PDE4B: variants seen among roughly 807,000 people sequenced by gnomAD.
The protein encoded by PDE4B is 3',5'-cyclic-AMP phosphodiesterase 4B.
In PDE4B, 20 loss-of-function variants were observed where a neutral mutation model predicts 82.2. That is an observed-to-expected ratio of 0.24 (90% confidence interval 0.17 to 0.35). PDE4B has a LOEUF of 0.35. Ranked by LOEUF, PDE4B falls within the 10% of genes least tolerant of loss-of-function variation. PDE4B has a pLI of 1.00. For synonymous variants in PDE4B, 320 were observed against 318.9 expected, an observed-to-expected ratio of 1.00 and a Z score of -0.04; for missense variants, 655 against 907.2, an observed-to-expected ratio of 0.72 and a Z score of 3.57.
chr1:65,972,897 A>G (rs936253673), intron 3 of PDE4B, among the ~76,000 whole-genome samples: 1 of 152,188 alleles, frequency 6.6e-6, no homozygotes, highest in African/African-American at 2.4e-5. Context: ...GGCCATGCAT[A>G]GAGTTGAACA....
At chr1:65,795,817 GT>G (rs1645625835) in intron 1 of PDE4B, among the ~76,000 whole-genome samples, 1 of 152,270 alleles carries the variant, frequency 6.6e-6, no homozygotes, top group South Asian at 2.1e-4. Context: ...TAACAAGGCG[GT>G]TCCCAAGAAA....
At chr1:66,060,870 C>T (rs550850054) in intron 3 of PDE4B, among the ~76,000 whole-genome samples, 2 of 151,846 alleles carry the variant, frequency 1.3e-5, no homozygotes, top group African/African-American at 2.4e-5. Context: ...CTGCTTGGTC[C>T]TTCTCTTCTT....
intron 3 of PDE4B, among the ~76,000 whole-genome samples, chr1:65,945,312 C>T (rs1162750747): frequency 6.6e-6 from 1 of 151,986 alleles, no homozygotes; most frequent in Non-Finnish European, 1.5e-5. Flanking sequence ...ATTTCCTCTA[C>T]ATCACACATC....
At chr1:65,952,638 T>A (rs1338278108) in intron 3 of PDE4B, among the ~76,000 whole-genome samples, 1 of 152,010 alleles carries the variant, frequency 6.6e-6, no homozygotes, top group Non-Finnish European at 1.5e-5. Flanking sequence ...GCCAAGATCA[T>A]GCCATTGCAC....
At chr1:65,995,502 A>G (rs1451796584) in intron 3 of PDE4B, among the ~76,000 whole-genome samples, 1 of 152,026 alleles carries the variant, frequency 6.6e-6, no homozygotes. Flanking sequence ...TGAGCACCCT[A>G]ACGTCTTTCC....
At chr1:66,203,343 G>A (rs479563) in intron 3 of PDE4B, among the ~76,000 whole-genome samples, 70,018 of 151,512 alleles carry the variant, frequency 0.46, 16,383 homozygotes, top group African/African-American at 0.53. Context: ...TGCTCTTCTC[G>A]AGGAGTATCT....
chr1:65,961,376 G>C (rs1212619892), intron 3 of PDE4B, among the ~76,000 whole-genome samples: 1 of 152,086 alleles, frequency 6.6e-6, no homozygotes, highest in Non-Finnish European at 1.5e-5. Flanking sequence ...TGGCAGGAAA[G>C]CTATGGTAAA....
At chr1:66,224,407 C>G (rs1651259411) in intron 3 of PDE4B, among the ~76,000 whole-genome samples, 1 of 152,062 alleles carries the variant, frequency 6.6e-6, no homozygotes, top group South Asian at 2.1e-4. Flanking sequence ...TCAAGTGCAG[C>G]AAAAAATGGC....
chr1:66,076,821 T>G (rs1656460545), intron 3 of PDE4B, among the ~76,000 whole-genome samples: 1 of 152,198 alleles, frequency 6.6e-6, no homozygotes, highest in Non-Finnish European at 1.5e-5. Flanking sequence ...CCTTGAGAAG[T>G]GTCCTTTCAT....
At chr1:65,985,995 CAT>C (rs1331093921) in intron 3 of PDE4B, among the ~76,000 whole-genome samples, 1 of 151,988 alleles carries the variant, frequency 6.6e-6, no homozygotes, top group Non-Finnish European at 1.5e-5. Context: ...AAATGGTAAA[CAT>C]AGATAAACTG....
intron 3 of PDE4B, among the ~76,000 whole-genome samples, chr1:66,127,234 T>A (rs1325692498): frequency 3.9e-5 from 6 of 152,110 alleles, no homozygotes; most frequent in Admixed American, 3.9e-4. Flanking sequence ...TGGCTCTGCA[T>A]ACCTTAGGGG....
intron 3 of PDE4B, among the ~76,000 whole-genome samples, chr1:66,136,521 C>G (rs1004870451): frequency 6.6e-6 from 1 of 151,632 alleles, no homozygotes; most frequent in African/African-American, 2.4e-5. Flanking sequence ...ATCAGCCTGG[C>G]CAACATGATG....
At chr1:66,064,801 T>C (rs1655759757) in intron 3 of PDE4B, among the ~76,000 whole-genome samples, 1 of 151,954 alleles carries the variant, frequency 6.6e-6, no homozygotes, top group South Asian at 2.1e-4. Flanking sequence ...TTAGTAGCAT[T>C]TACTAAAAAA....
At chr1:65,869,251 T>A (rs1429207743) in intron 1 of PDE4B, among the ~76,000 whole-genome samples, 1 of 152,260 alleles carries the variant, frequency 6.6e-6, no homozygotes, top group Non-Finnish European at 1.5e-5. Context: ...AGCAAAGTTA[T>A]CCATTCTGTG....
At chr1:65,903,687 A>G (rs4655806) in intron 1 of PDE4B, among the ~76,000 whole-genome samples, 9,751 of 152,284 alleles carry the variant, frequency 0.064, 693 homozygotes, top group East Asian at 0.35. Flanking sequence ...ATGTTCCTTT[A>G]TGTTCTATCA....
intron 8 of PDE4B, among the ~76,000 whole-genome samples, chr1:66,346,414 T>C (rs1158373778): frequency 1.3e-5 from 2 of 152,224 alleles, no homozygotes; most frequent in South Asian, 4.1e-4. Flanking sequence ...AATGGATAGT[T>C]ACCAACAGCT....
At chr1:66,219,180 T>C (rs1650757896) in intron 3 of PDE4B, among the ~76,000 whole-genome samples, 1 of 152,098 alleles carries the variant, frequency 6.6e-6, no homozygotes, top group Non-Finnish European at 1.5e-5. Flanking sequence ...TCTAATATGA[T>C]TTCTCCTGGA....
chr1:66,309,584 A>G (rs1186883520), intron 7 of PDE4B, among the ~76,000 whole-genome samples: 1 of 152,220 alleles, frequency 6.6e-6, no homozygotes, highest in Non-Finnish European at 1.5e-5. Flanking sequence ...AGATTGCAGC[A>G]AAGTTTAGCC....
chr1:66,180,499 CA>C (rs1647040313), intron 3 of PDE4B, among the ~76,000 whole-genome samples: 2 of 152,076 alleles, frequency 1.3e-5, no homozygotes, highest in Admixed American at 6.6e-5. Flanking sequence ...AAATAAAGCT[CA>C]AGTCAGGGAA....
Sources: allele counts gnomAD v4.1 joint callset (sites outside exome capture counted in the v4.1 genomes callset), GRCh38; gene constraint gnomAD v4.1.1; transcripts MANE v1.5; gene names NCBI Gene and HGNC (gene_info 2026-07-23, HGNC 2026-07-21).